The following PGK1 variants were observed in gnomAD, a reference collection of about 807,000 sequenced individuals.
The protein encoded by PGK1 is PRP 2.
PGK1 carries 3 observed loss-of-function variants against 26.9 expected under a neutral mutation model. The observed-to-expected ratio is 0.11, with a 90% CI of 0.05 to 0.29. The LOEUF is 0.29. PGK1 is among the 10% of genes least tolerant of loss of function. The pLI, the probability that PGK1 is intolerant of heterozygous loss-of-function variation, is 1.00. For synonymous variants in PGK1, 125 were observed against 115.3 expected, an observed-to-expected ratio of 1.08 and a Z score of -0.54; for missense variants, 270 against 314.7, an observed-to-expected ratio of 0.86 and a Z score of 1.07.
intron 7 of PGK1, 105 bp from the exon 8 acceptor site, chrX:78,123,090 C>T: frequency 1.3e-6 from 1 of 751,704 alleles, no homozygotes; most frequent in Non-Finnish European, 2.1e-6. Flanking sequence ...TTCGTCTTTG[C>T]ATTGTTCCTT....
At chrX:78,109,991 A>G in intron 2 of PGK1, 74 bp downstream of exon 2, 1 of 694,223 alleles carries the variant, frequency 1.4e-6, no homozygotes, top group East Asian at 3.2e-5. Context: ...TTTTCCTTTC[A>G]TATTGTATTA....
intron 4 of PGK1, among the ~76,000 whole-genome samples, chrX:78,116,223 G>A (rs1557247444): frequency 9.0e-6 from 1 of 111,317 alleles, no homozygotes; most frequent in African/African-American, 3.3e-5. Flanking sequence ...AAATTTCAGA[G>A]CAACTTCCCA....
At position 78,128,907 on chromosome X, in the gene PGK1, T is replaced by C. The variant is rs1052523740; in HGVS notation, c.*3077T>C. ...TCTTTCAATCTAAGGCTATTTAATA[T>C]ACATTAAGAGGCCGGGCGCAGTGGC... On this transcript the variant is annotated 3_prime_UTR_variant, in exon 11 of 11. Coordinates refer to ENST00000373316, the MANE Select transcript of PGK1 (RefSeq NM_000291.4). 9.0e-6 allele frequency: 1 copy of C among 111,548 alleles called. No individual in the cohort carries two copies. The highest frequency in any genetic ancestry group is 3.3e-5 in the African/African-American group (1 of 30,615). The allele number at this position is 111,548 out of a possible 1,213,427, so 9.2% of individuals were successfully genotyped here.
intron 10 of PGK1, 149 bp from the exon 11 acceptor site, chrX:78,125,641 C>T (rs782507614): frequency 3.3e-6 from 2 of 604,428 alleles, no homozygotes; most frequent in Non-Finnish European, 5.8e-6. Context: ...TCTAGTAGAC[C>T]TGGAATCCAC....
In PGK1 at chrX:78,128,066, G is replaced by T. The variant is rs2078390573; in HGVS notation, c.*2236G>T. The stretch of plus-strand genomic sequence containing the variant: ...TCCAGGATCACCCCTCATTTATTTG[G>T]GTTGTTAACCTAAAGAATGAATGGG... On this transcript the variant is annotated 3_prime_UTR_variant, in exon 11 of 11. Transcript: ENST00000373316. 2 of 111,979 alleles carry T rather than the reference G, an allele frequency of 1.8e-5. No homozygotes were observed. The highest frequency in any genetic ancestry group is 6.5e-5 in the African/African-American group (2 of 30,705). The allele number at this position is 111,979 out of a possible 1,213,427, so 9.2% of individuals were successfully genotyped here. A position where few individuals can be genotyped will look rare whatever the true frequency, so the allele number is the denominator to read the frequency against.
intron 2 of PGK1, among the ~76,000 whole-genome samples, chrX:78,110,709 T>C (rs1332887419): frequency 4.5e-5 from 5 of 110,750 alleles, no homozygotes; most frequent in Non-Finnish European, 9.5e-5. Context: ...CAGTAGTTAC[T>C]AAGGTTATAT....
chrX:78,111,124 G>A (rs1159251028), intron 2 of PGK1, among the ~76,000 whole-genome samples: 1 of 105,737 alleles, frequency 9.5e-6, no homozygotes, highest in Non-Finnish European at 1.9e-5. Flanking sequence ...TCGTTCTGTC[G>A]CCCAGGCTGG....
chrX:78,120,834 T>C (rs138835944), intron 6 of PGK1, among the ~76,000 whole-genome samples: 203 of 112,161 alleles, frequency 1.8e-3, no homozygotes, highest in Non-Finnish European at 2.4e-3. Flanking sequence ...ATCATATACT[T>C]TCACTTACAT....
intron 1 of PGK1, among the ~76,000 whole-genome samples, chrX:78,108,604 G>A (rs1397493515): frequency 8.9e-6 from 1 of 112,019 alleles, no homozygotes; most frequent in Non-Finnish European, 1.9e-5. Flanking sequence ...GAAATTGGTG[G>A]TCTTCTCAGT....
At chrX:78,125,512 A>C in intron 10 of PGK1, 87 bp downstream of exon 10, 1 of 649,535 alleles carries the variant, frequency 1.5e-6, no homozygotes. Flanking sequence ...GAAAGTTAGA[A>C]GGTAGTGTTG....
chrX:78,116,839 C>G (rs1379092898), intron 4 of PGK1, among the ~76,000 whole-genome samples: 1 of 112,160 alleles, frequency 8.9e-6, no homozygotes, highest in Non-Finnish European at 1.9e-5. Flanking sequence ...TCTGCCTTCT[C>G]TGTCCCAGCT....
intron 6 of PGK1, among the ~76,000 whole-genome samples, chrX:78,121,434 C>T (rs1369411405): frequency 9.0e-6 from 1 of 111,511 alleles, no homozygotes; most frequent in Non-Finnish European, 1.9e-5. Context: ...GTATTTAAAA[C>T]AATCTATCTT....
chrX:78,126,299 T>A lies in PGK1; in HGVS notation c.*469T>A, dbSNP rs1023641319. The A allele has an allele frequency of 1.5e-5, 2 of 136,757 alleles. No individual in the cohort carries two copies. The highest frequency in any genetic ancestry group is 2.9e-5 in the Non-Finnish European group (2 of 68,117). 11.3% of individuals were successfully genotyped at this position (136,757 alleles called of 1,213,427 possible). ...TTTTTTTTTTTTTCCTGTCATACTTTGTTAGGAAGGGTGAGAATAGAATCT... is the reference window on the plus strand; with the variant it reads ...TTTTTTTTTTTTTCCTGTCATACTTAGTTAGGAAGGGTGAGAATAGAATCT... On this transcript the variant is annotated 3_prime_UTR_variant, in exon 11 of 11. Coordinates refer to ENST00000373316, the MANE Select transcript of PGK1 (RefSeq NM_000291.4).
Position 78,129,027 on chromosome X carries a change from C to T in PGK1, c.*3197C>T, listed in dbSNP as rs1431575442. 1 of 111,502 alleles carries T rather than the reference C, an allele frequency of 9.0e-6. No individual in the cohort carries two copies. Among genetic ancestry groups the T allele is most frequent in the Admixed American group, 9.5e-5 (1 of 10,507 alleles). 9.2% of individuals were successfully genotyped at this position (111,502 alleles called of 1,213,427 possible). A position where few individuals can be genotyped will look rare whatever the true frequency, so the allele number is the denominator to read the frequency against. ...CCATCCTGGCTAACACGGTGAAACC[C>T]TGTCTCTACTAAAAATACAAAAAAT... On this transcript the variant is annotated 3_prime_UTR_variant, in exon 11 of 11. Transcript: ENST00000373316.
rs782442497 is a variant in PGK1, at chrX:78,108,825, TATAAC to T, written c.66-1040_66-1036del. The stretch of plus-strand genomic sequence containing the variant: ...CACAGAATTACATTTTGGAGAAACA[TATAAC>T]AACAACACTTTTATGGCATTTACTG... On this transcript the variant is annotated intron_variant, in intron 1 of 10. Transcript: ENST00000373316. Among the ~76,000 whole-genome samples, 19 of 112,067 alleles carry T rather than the reference TATAAC, an allele frequency of 1.7e-4. No homozygotes were observed. The South Asian group carries it at 7.0e-3, about 41-fold the overall frequency.
At position 78,113,778 on chromosome X, in the gene PGK1, T is replaced by C; in HGVS notation, c.151T>C (p.Leu51=). ...KAAVPSIKFC[L]DNGAKSVVLM... ...TGCTGTCCCAAGCATCAAATTCTGC[T>C]TGGACAATGGAGCCAAGTCGGTAGT... The change falls in exon 3 of 11, where the codon TTG becomes CTG. Residue 51 remains leucine (L), a synonymous_variant. Coordinates refer to ENST00000373316, the MANE Select transcript of PGK1 (RefSeq NM_000291.4). 8.3e-7 allele frequency: 1 copy of C among 1,209,963 alleles called. No individual in the cohort carries two copies.
In PGK1 at chrX:78,104,275, G is replaced by C. The variant is rs1471464349; in HGVS notation, c.-66G>C. On this transcript the variant is annotated 5_prime_UTR_variant, in exon 1 of 11. Transcript: ENST00000373316. ...TCCGCATTCTGCAAGCCTCCGGAGC[G>C]CACGTCGGCAGTCGGCTCCCTCGTT... is the stretch of plus-strand genomic sequence containing the variant. 4.5e-5 allele frequency: 37 copies of C among 824,489 alleles called. No homozygotes were observed. The highest frequency in any genetic ancestry group is 6.6e-5 in the Non-Finnish European group (36 of 547,511). 67.9% of individuals were successfully genotyped at this position (824,489 alleles called of 1,213,427 possible). A position where few individuals can be genotyped will look rare whatever the true frequency, so the allele number is the denominator to read the frequency against.
In PGK1 at chrX:78,117,353, A is replaced by G. The variant is rs781813320; in HGVS notation, c.459A>G (p.Ser153=). Residue 153 remains serine, a synonymous_variant, in exon 5 of 11, where the codon TCA becomes TCG. Coordinates refer to ENST00000373316, the MANE Select transcript of PGK1 (RefSeq NM_000291.4). ...CCAAAATAGAAGCTTTCCGAGCTTC[A>G]CTTTCCAAGCTAGGGGATGTCTATG... ...EPAKIEAFRA[S]LSKLGDVYVN... The G allele has an allele frequency of 8.3e-7, 1 of 1,209,064 alleles. No individual in the cohort carries two copies. The highest frequency in any genetic ancestry group is 1.7e-5 in the African/African-American group (1 of 57,763).
chrX:78,125,667 C>T, intron 10 of PGK1, 123 bp from the exon 11 acceptor site: 4 of 690,078 alleles, frequency 5.8e-6, no homozygotes, highest in South Asian at 2.1e-5. Context: ...AAAAGTTGGC[C>T]AGCTCCTGGC....
Sources: allele counts gnomAD v4.1 joint callset (sites outside exome capture counted in the v4.1 genomes callset), GRCh38; gene constraint gnomAD v4.1.1; transcripts MANE v1.5; gene names NCBI Gene and HGNC (gene_info 2026-07-23, HGNC 2026-07-21).